ERBB4: variants seen among roughly 807,000 people sequenced by gnomAD.
ERBB4 encodes erb-b2 receptor tyrosine kinase 4.
In ERBB4, 42 loss-of-function variants were observed where a neutral mutation model predicts 158.0. The observed-to-expected ratio is 0.27, with a 90% confidence interval of 0.21 to 0.34. The LOEUF (loss-of-function observed/expected upper bound fraction) is 0.34. Ranked by LOEUF, ERBB4 falls within the 10% of genes least tolerant of loss-of-function variation. ERBB4 has a pLI of 1.00. For synonymous variants in ERBB4, 583 were observed against 558.7 expected (o/e 1.04, Z -0.61); for missense variants, 1,333 against 1,624.1 (o/e 0.82, Z 3.08).
At chr2:211,860,418 T>C (rs1031638231) in intron 3 of ERBB4, among the ~76,000 whole-genome samples, 29 of 152,170 alleles carry the variant, frequency 1.9e-4, no homozygotes, top group African/African-American at 6.8e-4. Flanking sequence ...AGTTTACTCA[T>C]GTCAAATTTT....
chr2:212,326,409 C>T lies in ERBB4; in HGVS notation c.83-201506G>A, dbSNP rs1013420238. 4.7e-4 allele frequency among the ~76,000 whole-genome samples: 70 copies of T among 150,410 alleles called. 2 individuals are homozygous for T. Among genetic ancestry groups the T allele is most frequent in the Admixed American group, 4.4e-3 (66 of 15,094 alleles). ...TAATAACAAACTTTAAATAAATGCTCATTTAAATAAAAGTTTATTTTTCTC... is the reference window on the plus strand; with the variant it reads ...TAATAACAAACTTTAAATAAATGCTTATTTAAATAAAAGTTTATTTTTCTC... On this transcript the variant is annotated intron_variant, in intron 1 of 27. Coordinates refer to ENST00000342788, the MANE Select transcript of ERBB4 (RefSeq NM_005235.3).
At chr2:212,032,629 G>A (rs963697865) in intron 2 of ERBB4, among the ~76,000 whole-genome samples, 1 of 151,956 alleles carries the variant, frequency 6.6e-6, no homozygotes, top group African/African-American at 2.4e-5. Flanking sequence ...AATCTTTAGA[G>A]AAAATTACAT....
intron 1 of ERBB4, among the ~76,000 whole-genome samples, chr2:212,169,036 G>C (rs1169879024): frequency 6.6e-6 from 1 of 152,120 alleles, no homozygotes; most frequent in Non-Finnish European, 1.5e-5. Flanking sequence ...TGATGGTAAA[G>C]ACGTGAGGAA....
At chr2:211,582,875 G>T (rs2068145719) in intron 19 of ERBB4, among the ~76,000 whole-genome samples, 1 of 152,062 alleles carries the variant, frequency 6.6e-6, no homozygotes, top group Non-Finnish European at 1.5e-5. Context: ...ACCAATTTCA[G>T]TGATTTTTAA....
chr2:212,373,843 G>GTACATATCCATATA (rs2090185028), intron 1 of ERBB4, among the ~76,000 whole-genome samples: 2 of 63,234 alleles, frequency 3.2e-5, no homozygotes, highest in African/African-American at 1.5e-4. Flanking sequence ...ATATATCCAT[G>GTACATATCCATATA]TATATATCCA....
At chr2:212,205,264 G>A (rs2082712512) in intron 1 of ERBB4, among the ~76,000 whole-genome samples, 1 of 152,064 alleles carries the variant, frequency 6.6e-6, no homozygotes, top group Non-Finnish European at 1.5e-5. Flanking sequence ...GGGTTCAAGT[G>A]AGCCTCCCAC....
chr2:212,329,418 T>C (rs1447181067), intron 1 of ERBB4, among the ~76,000 whole-genome samples: 2 of 152,078 alleles, frequency 1.3e-5, no homozygotes, highest in Non-Finnish European at 2.9e-5. Flanking sequence ...AACAGTATGA[T>C]AAAGTATGAA....
At chr2:211,656,525 C>A (rs2071223191) in intron 16 of ERBB4, among the ~76,000 whole-genome samples, 1 of 152,152 alleles carries the variant, frequency 6.6e-6, no homozygotes, top group South Asian at 2.1e-4. Context: ...GTAAAACATA[C>A]AGTTCTATAA....
At chr2:211,847,696 C>T (rs770706618) in intron 3 of ERBB4, among the ~76,000 whole-genome samples, 2 of 151,950 alleles carry the variant, frequency 1.3e-5, no homozygotes, top group African/African-American at 2.4e-5. Flanking sequence ...TATGTATGGC[C>T]CAAGATAATT....
chr2:211,815,493 T>C (rs1210693490), intron 3 of ERBB4, among the ~76,000 whole-genome samples: 1 of 152,140 alleles, frequency 6.6e-6, no homozygotes, highest in Non-Finnish European at 1.5e-5. Flanking sequence ...AGTTAAGAAA[T>C]GATAACAAAA....
At chr2:212,299,770 T>C (rs1205289671) in intron 1 of ERBB4, among the ~76,000 whole-genome samples, 1 of 151,648 alleles carries the variant, frequency 6.6e-6, no homozygotes, top group Non-Finnish European at 1.5e-5. Context: ...AGTCTGTTGT[T>C]TGAAAAAGAT....
At chr2:211,622,924 T>C (rs10804200) in intron 18 of ERBB4, among the ~76,000 whole-genome samples, 101,779 of 127,924 alleles carry the variant, frequency 0.8, 42,064 homozygotes, top group Non-Finnish European at 0.89. Context: ...GATCACACCA[T>C]TGCACTACAG....
chr2:212,377,460 A>G (rs2090362928), intron 1 of ERBB4, among the ~76,000 whole-genome samples: 1 of 151,848 alleles, frequency 6.6e-6, no homozygotes, highest in African/African-American at 2.4e-5. Flanking sequence ...CCCAAGCTAC[A>G]AACCTGCACT....
intron 12 of ERBB4, among the ~76,000 whole-genome samples, chr2:211,685,120 G>GT: frequency 6.6e-6 from 1 of 152,288 alleles, no homozygotes; most frequent in Non-Finnish European, 1.5e-5. Context: ...CAGAGCAAAT[G>GT]TTTTTAATTT....
chr2:211,929,474 C>T (rs962894170), intron 3 of ERBB4, among the ~76,000 whole-genome samples: 3 of 152,050 alleles, frequency 2.0e-5, no homozygotes, highest in African/African-American at 7.2e-5. Context: ...AATAAAACCC[C>T]TCCAGCATGT....
chr2:211,727,058 A>G (rs570744610), intron 5 of ERBB4, among the ~76,000 whole-genome samples: 1 of 152,316 alleles, frequency 6.6e-6, no homozygotes, highest in African/African-American at 2.4e-5. Context: ...CACAGCTCCA[A>G]GCTGAGTTAT....
chr2:212,031,495 C>T (rs756507408), intron 2 of ERBB4, among the ~76,000 whole-genome samples: 20 of 152,072 alleles, frequency 1.3e-4, no homozygotes, highest in Non-Finnish European at 2.5e-4. Context: ...AAAATGCAGA[C>T]CCCCAGGCCA....
At chr2:212,310,344 C>A (rs1457558944) in intron 1 of ERBB4, among the ~76,000 whole-genome samples, 1 of 150,752 alleles carries the variant, frequency 6.6e-6, no homozygotes, top group African/African-American at 2.4e-5. Flanking sequence ...AGTAGAGACA[C>A]TGACAGATGA....
intron 3 of ERBB4, among the ~76,000 whole-genome samples, chr2:211,938,513 T>C (rs1559141320): frequency 6.6e-6 from 1 of 152,048 alleles, no homozygotes; most frequent in African/African-American, 2.4e-5. Flanking sequence ...TAGATAAAAA[T>C]AAAAATTCCT....
Sources: gnomAD v4.1 joint callset for allele counts (sites outside exome capture counted in the v4.1 genomes callset) on GRCh38, gnomAD v4.1.1 for gene constraint, MANE v1.5 for transcripts, NCBI Gene and HGNC (gene_info 2026-07-23, HGNC 2026-07-21) for gene names.